Variants in NAPRT observed in about 807,000 individuals in gnomAD.
NAPRT encodes nicotinate phosphoribosyltransferase.
Under a neutral mutation model 60.7 loss-of-function variants are expected in NAPRT, and 66 were observed. That is an observed-to-expected ratio of 1.09 (90% CI 0.89 to 1.33). The LOEUF (loss-of-function observed/expected upper bound fraction) is 1.33, where lower values mean the gene tolerates loss of function less well. Among genes scored for constraint, NAPRT ranks in the 40% most tolerant of loss-of-function variants. The probability of loss-of-function intolerance (pLI) is 0.00; values close to 1 mark genes in which losing one functional copy is unlikely to be tolerated. For missense variants in NAPRT, 818 were observed against 731.5 expected (o/e 1.12, Z -1.36); for synonymous variants, 405 against 335.7 (o/e 1.21, Z -2.26).
At position 143,577,269 on chromosome 8, in the gene NAPRT, C is replaced by T. The variant is rs749824423; in HGVS notation, c.568G>A (p.Gly190Ser). The T allele has an allele frequency of 1.1e-5, 18 of 1,608,834 alleles. No homozygotes were observed. The highest frequency in any genetic ancestry group is 9.3e-5 in the African/African-American group (7 of 74,878). Reference sequence around the variant, plus strand: ...GCCTTGCCCCGCACCAGACACTCACCGCCCAGGTAGCTGTAGGTGGAGGCT... The same window carrying T: ...GCCTTGCCCCGCACCAGACACTCACTGCCCAGGTAGCTGTAGGTGGAGGCT... ...LTASTYSYLGGFDSSSNVLAG... is the reference protein window; with the variant it reads ...LTASTYSYLGSFDSSSNVLAG... The change falls in exon 4 of 13, where the codon GGC (glycine) becomes AGC (serine). Residue 190 changes from glycine to serine, a missense_variant and splice_region_variant. Transcript: ENST00000449291.
At position 143,578,151 on chromosome 8, in the gene NAPRT, C is replaced by G. The variant is rs1824652080; in HGVS notation, c.168G>C (p.Leu56Phe). 1.3e-6 allele frequency: 2 copies of G among 1,521,752 alleles called. No individual in the cohort carries two copies. Among genetic ancestry groups the G allele is most frequent in the Non-Finnish European group, 1.8e-6 (2 of 1,140,596 alleles). The allele number at this position is 1,521,752 out of a possible 1,614,324, so 94.3% of individuals were successfully genotyped here. The change falls in exon 1 of 13, where the codon TTG (leucine) becomes TTC (phenylalanine). Residue 56 changes from leucine (L) to phenylalanine (F), a missense_variant. Transcript: ENST00000449291. ...GCACACAGTCGCGCAAGCCGGCGGCCAAGGCGAAGGCGCCGCCGAACGGGC... is the reference window on the plus strand; with the variant it reads ...GCACACAGTCGCGCAAGCCGGCGGCGAAGGCGAAGGCGCCGCCGAACGGGC... ...RRCPFGGAFA[L>F]AAGLRDCVRF...
At chr8:143,574,720 C>A (rs1563928144), downstream of NAPRT, 14 of 1,257,984 alleles carry the variant, frequency 1.1e-5, no homozygotes, top group Non-Finnish European at 1.6e-5. Context: ...TCCAGCCCAG[C>A]CGCAGCCCGG....
chr8:143,575,074 G>A lies in NAPRT; in HGVS notation c.1466C>T (p.Ser489Phe). Reference sequence around the variant, plus strand: ...GGCCAAGGCTCTAGACTCTGCCAGGGATGGGAGCGGCTCACACAGCTGCAG... The same window carrying A: ...GGCCAAGGCTCTAGACTCTGCCAGGAATGGGAGCGGCTCACACAGCTGCAG... Reference protein sequence around the residue: ...QQGQLCEPLPSLAESRALAQL... With the variant: ...QQGQLCEPLPFLAESRALAQL... The change falls in exon 12 of 13, where the codon TCC (serine) becomes TTC (phenylalanine). Residue 489 changes from serine to phenylalanine, a missense_variant. Coordinates refer to ENST00000449291, the MANE Select transcript of NAPRT (RefSeq NM_145201.6). 6.6e-7 allele frequency: 1 copy of A among 1,510,426 alleles called. No individual in the cohort carries two copies. The allele number at this position is 1,510,426 out of a possible 1,614,324, so 93.6% of individuals were successfully genotyped here. A position where few individuals can be genotyped will look rare whatever the true frequency, so the allele number is the denominator to read the frequency against.
chr8:143,574,469 G>C (rs905348024), downstream of NAPRT, among the ~76,000 whole-genome samples: 9 of 152,174 alleles, frequency 5.9e-5, no homozygotes, highest in Non-Finnish European at 1.0e-4. Flanking sequence ...CCTGTCCCCA[G>C]CCTGCCTCTA....
At chr8:143,572,899 G>A, downstream of NAPRT, 1 of 667,614 alleles carries the variant, frequency 1.5e-6, no homozygotes, top group Non-Finnish European at 2.3e-6. Flanking sequence ...TCCTGCCTGG[G>A]CTGCTGGAGG....
downstream of NAPRT, chr8:143,574,732 A>G: frequency 7.4e-7 from 1 of 1,353,318 alleles, no homozygotes; most frequent in Non-Finnish European, 1.0e-6. Flanking sequence ...GCAGCCCGGG[A>G]GGCGCAGCCC....
intron 11 of NAPRT, 33 bp downstream of exon 11, chr8:143,575,158 T>TG (rs781136949): frequency 6.3e-7 from 1 of 1,589,882 alleles, no homozygotes; most frequent in Non-Finnish European, 8.6e-7. Context: ...CTACCGGGGC[T>TG]GGGGGTCAGG....
At chr8:143,573,010 G>T (rs978412190), downstream of NAPRT, 5 of 439,090 alleles carry the variant, frequency 1.1e-5, no homozygotes, top group Non-Finnish European at 2.0e-5. Context: ...AAGAAAGGGG[G>T]AGAAGGGCCC....
chr8:143,577,102 A>G lies in NAPRT; in HGVS notation c.644T>C (p.Phe215Ser), dbSNP rs749300189. The G allele has an allele frequency of 1.2e-6, 2 of 1,612,994 alleles. No individual in the cohort carries two copies. The highest frequency in any genetic ancestry group is 1.7e-6 in the Non-Finnish European group (2 of 1,179,908). ...VPVAGTLAHSFVTSFSGSEVP... is the reference protein window; with the variant it reads ...VPVAGTLAHSSVTSFSGSEVP... The stretch of plus-strand genomic sequence containing the variant: ...CTCGCTGCCTGAAAAGGAAGTGACG[A>G]AGGAGTGGGCCAGGGTCCCGGCCAC... Residue 215 changes from phenylalanine to serine, a missense_variant, in exon 5 of 13, where the codon TTC becomes TCC. By Grantham distance (155) the Phe-to-Ser change is radical. Coordinates refer to ENST00000449291, the MANE Select transcript of NAPRT (RefSeq NM_145201.6).
At position 143,578,160 on chromosome 8, in the gene NAPRT, G is replaced by T. The variant is rs1204584022; in HGVS notation, c.159C>A (p.Ala53=). The T allele has an allele frequency of 6.6e-7, 1 of 1,519,890 alleles. No individual in the cohort carries two copies. Among genetic ancestry groups the T allele is most frequent in the African/African-American group, 1.4e-5 (1 of 70,028 alleles). The allele number at this position is 1,519,890 out of a possible 1,614,324, so 94.2% of individuals were successfully genotyped here. Residue 53 remains alanine (A), a synonymous_variant, in exon 1 of 13, where the codon GCC becomes GCA. Transcript: ENST00000449291. ...LFFRRCPFGG[A]FALAAGLRDC... ...CGCGCAAGCCGGCGGCCAAGGCGAA[G>T]GCGCCGCCGAACGGGCAGCGGCGGA...
At position 143,578,089 on chromosome 8, in the gene NAPRT, C is replaced by G; in HGVS notation, c.226+4G>C. On this transcript the variant is annotated splice_donor_region_variant and intron_variant, in intron 1 of 12. Coordinates refer to ENST00000449291, the MANE Select transcript of NAPRT (RefSeq NM_145201.6). ...GGGGGCTCGTCGCGCGGACGGGGGA[C>G]TACCGGCGTCCCGCAGGCGGAAGGC... 1 of 1,521,400 alleles carries G rather than the reference C, an allele frequency of 6.6e-7. No individual in the cohort carries two copies. The highest frequency in any genetic ancestry group is 8.8e-7 in the Non-Finnish European group (1 of 1,141,710). The allele number at this position is 1,521,400 out of a possible 1,614,324, so 94.2% of individuals were successfully genotyped here. A position where few individuals can be genotyped will look rare whatever the true frequency, so the allele number is the denominator to read the frequency against.
intron 7 of NAPRT, 50 bp from the exon 8 acceptor site, chr8:143,576,212 A>G: frequency 1.3e-6 from 2 of 1,509,240 alleles, no homozygotes; most frequent in East Asian, 2.3e-5. Context: ...GGTCTTCCTG[A>G]TTCACCCTGG....
chr8:143,574,616 C>T (rs906921934), downstream of NAPRT: 18 of 627,316 alleles, frequency 2.9e-5, no homozygotes, highest in Non-Finnish European at 4.3e-5. Context: ...CACTGCCCTT[C>T]GGGCTTCAGC....
Position 143,578,116 on chromosome 8 carries a change from C to T in NAPRT, c.203G>A (p.Arg68His), listed in dbSNP as rs1252688558. 2.0e-6 allele frequency: 3 copies of T among 1,522,124 alleles called. No homozygotes were observed. Among genetic ancestry groups the T allele is most frequent in the Non-Finnish European group, 2.6e-6 (3 of 1,141,664 alleles). The allele number at this position is 1,522,124 out of a possible 1,614,324, so 94.3% of individuals were successfully genotyped here. The change falls in exon 1 of 13, where the codon CGC becomes CAC. Residue 68 changes from arginine (R) to histidine (H), a missense_variant. By Grantham distance (29) the Arg-to-His change is conservative. Coordinates refer to ENST00000449291, the MANE Select transcript of NAPRT (RefSeq NM_145201.6). ...ACCGGCGTCCCGCAGGCGGAAGGCG[C>T]GCAGGAAGCGCACACAGTCGCGCAA... Reference protein sequence around the residue: ...AGLRDCVRFLRAFRLRDADVQ... With the variant: ...AGLRDCVRFLHAFRLRDADVQ...
Position 143,578,275 on chromosome 8 carries a change from G to GGCCGCGCC in NAPRT, c.36_43dup (p.Pro15ArgfsTer93), listed in dbSNP as rs1368563213. On this transcript the variant is annotated frameshift_variant, in exon 1 of 13. Transcript: ENST00000449291. LOFTEE classifies it high-confidence loss of function. ...GGCCTGGTAGAGGTCAGTGAGCAGC[G>GGCCGCGCC]GCCGCGCCGCCGCGCGCGCCTCGGG... 7.1e-6 allele frequency: 10 copies of GGCCGCGCC among 1,413,194 alleles called. No individual in the cohort carries two copies. In the South Asian group the frequency reaches 1.5e-4, roughly 21 times the overall value. The allele number at this position is 1,413,194 out of a possible 1,614,324, so 87.5% of individuals were successfully genotyped here.
At chr8:143,576,221 G>A (rs1824445493) in intron 7 of NAPRT, 59 bp from the exon 8 acceptor site, 2 of 1,485,988 alleles carry the variant, frequency 1.3e-6, no homozygotes, top group Admixed American at 2.2e-5. Flanking sequence ...GATTCACCCT[G>A]GTGTCCCCCT....
In NAPRT at chr8:143,578,157, GA is replaced by G; in HGVS notation, c.161del (p.Phe54SerfsTer51). ...AGTCGCGCAAGCCGGCGGCCAAGGCGAAGGCGCCGCCGAACGGGCAGCGGCG... is the reference window on the plus strand; with the variant it reads ...AGTCGCGCAAGCCGGCGGCCAAGGCGAGGCGCCGCCGAACGGGCAGCGGCG... ...FFRRCPFGGA[F>X]ALAAGLRDCV... On this transcript the variant is annotated frameshift_variant, in exon 1 of 13. Coordinates refer to ENST00000449291, the MANE Select transcript of NAPRT (RefSeq NM_145201.6). LOFTEE classifies it high-confidence loss of function. 6.6e-7 allele frequency: 1 copy of G among 1,519,600 alleles called. No homozygotes were observed. 94.1% of individuals were successfully genotyped at this position (1,519,600 alleles called of 1,614,324 possible).
chr8:143,572,949 C>T (rs1824155395), downstream of NAPRT: 1 of 505,350 alleles, frequency 2.0e-6, no homozygotes, highest in Non-Finnish European at 3.5e-6. Flanking sequence ...TGGTGTGGCT[C>T]TACCCACCAG....
rs199855628 is a variant in NAPRT, at chr8:143,575,514, C to G, written c.1200G>C (p.Val400=). 8 of 1,598,376 alleles carry G rather than the reference C, an allele frequency of 5.0e-6. No homozygotes were observed. Among genetic ancestry groups the G allele is most frequent in the South Asian group, 3.3e-5 (3 of 90,816 alleles). Residue 400 remains valine (V), a synonymous_variant, in exon 10 of 13, where the codon GTG becomes GTC. Transcript: ENST00000449291. The stretch of plus-strand genomic sequence containing the variant: ...TCAGCTTCATTCGTGGCTGGCCCCC[C>G]ACGGCCACCAGCTGCAGGAAGAGGG... ...SLGGVYKLVA[V]GGQPRMKLTE...
Sources: gnomAD v4.1 joint callset for allele counts (sites outside exome capture counted in the v4.1 genomes callset) on GRCh38, gnomAD v4.1.1 for gene constraint, MANE v1.5 for transcripts, NCBI Gene and HGNC (gene_info 2026-07-23, HGNC 2026-07-21) for gene names.